Variants in ENO4 observed in about 807,000 individuals in gnomAD.
ENO4 encodes the protein enolase 4.
Under a neutral mutation model 63.2 loss-of-function variants are expected in ENO4, and 53 were observed. The observed-to-expected ratio is 0.84, with a 90% CI of 0.67 to 1.05. The LOEUF (loss-of-function observed/expected upper bound fraction) is 1.05, where lower values mean the gene tolerates loss of function less well. Among genes scored for constraint, ENO4 ranks in the 50% least tolerant of loss-of-function variants. ENO4 has a pLI of 0.00. For missense variants in ENO4, 719 were observed against 772.0 expected (o/e 0.93, Z 0.81); for synonymous variants, 266 against 283.8 (o/e 0.94, Z 0.63).
At chr10:116,878,073 C>G (rs957203901) in intron 11 of ENO4, among the ~76,000 whole-genome samples, 1 of 152,230 alleles carries the variant, frequency 6.6e-6, no homozygotes, top group Non-Finnish European at 1.5e-5. Flanking sequence ...CTGAATTTTC[C>G]TCCTAGCATC....
chr10:116,895,947 C>A (rs1847501726), intron 10 of ENO4, among the ~76,000 whole-genome samples: 1 of 152,108 alleles, frequency 6.6e-6, no homozygotes, highest in South Asian at 2.1e-4. Context: ...ACAGTAACAA[C>A]AACACAGAAG....
chr10:116,878,128 T>C (rs1360963401), intron 11 of ENO4, among the ~76,000 whole-genome samples: 1 of 152,216 alleles, frequency 6.6e-6, no homozygotes. Context: ...CTTATACAAC[T>C]ACCTAATGAC....
rs1268464475 is a variant in ENO4 at position 116,881,857 on chromosome 10, C to T, written c.*188C>T. 4 of 443,174 alleles carry T rather than the reference C, an allele frequency of 9.0e-6. No individual in the cohort carries two copies. Among genetic ancestry groups the T allele is most frequent in the Admixed American group, 4.4e-5 (1 of 22,834 alleles). The allele number at this position is 443,174 out of a possible 1,614,324, so 27.5% of individuals were successfully genotyped here. On this transcript the variant is annotated 3_prime_UTR_variant, in exon 14 of 14. Coordinates refer to ENST00000341276, the MANE Select transcript of ENO4 (RefSeq NM_001242699.2). Reference sequence around the variant, plus strand: ...TTTTTGCCTGAAATTCTGTGAACTTCGTTTTGCAGCCACCACACTTCCATG... The same window carrying T: ...TTTTTGCCTGAAATTCTGTGAACTTTGTTTTGCAGCCACCACACTTCCATG...
intron 10 of ENO4, among the ~76,000 whole-genome samples, chr10:116,909,266 G>T (rs1210854805): frequency 6.6e-6 from 1 of 152,004 alleles, no homozygotes; most frequent in African/African-American, 2.4e-5. Context: ...AACAACCTTA[G>T]GCCCCATGTT....
At chr10:116,911,636 C>A in exon 11 of ENO4, 1 of 1,557,996 alleles carries the variant, frequency 6.4e-7, no homozygotes, top group South Asian at 1.2e-5. Flanking sequence ...TGTGATGGAG[C>A]AGTCTGTAAG....
downstream of ENO4, among the ~76,000 whole-genome samples, chr10:116,912,323 T>C (rs1187034135): frequency 3.3e-5 from 5 of 152,150 alleles, no homozygotes; most frequent in Admixed American, 2.0e-4. Context: ...GGAGGTCAGC[T>C]TACAGGGGCC....
chr10:116,903,395 G>A (rs1847826403), intron 10 of ENO4, among the ~76,000 whole-genome samples: 1 of 152,018 alleles, frequency 6.6e-6, no homozygotes, highest in Admixed American at 6.6e-5. Context: ...TTTGATGGTG[G>A]GCGCCTGTAA....
intron 10 of ENO4, among the ~76,000 whole-genome samples, chr10:116,895,120 T>C (rs1419282946): frequency 1.3e-5 from 2 of 152,342 alleles, no homozygotes; most frequent in Admixed American, 6.5e-5. Context: ...TTAGAATGTA[T>C]GTTTTTCAAC....
downstream of ENO4, among the ~76,000 whole-genome samples, chr10:116,887,547 G>C (rs1847204793): frequency 6.6e-6 from 1 of 152,138 alleles, no homozygotes; most frequent in South Asian, 2.1e-4. Flanking sequence ...CTGCCAGCCA[G>C]TGCCTGCCCA....
rs796211875 is a variant in ENO4, at chr10:116,876,831, G to A, written c.1537+571G>A. 3.3e-5 allele frequency among the ~76,000 whole-genome samples: 5 copies of A among 152,118 alleles called. No homozygotes were observed. In the South Asian group the frequency reaches 8.3e-4, roughly 25 times the overall value. On this transcript the variant is annotated intron_variant, in intron 11 of 13. Coordinates refer to ENST00000341276, the MANE Select transcript of ENO4 (RefSeq NM_001242699.2). ...CCGGGTGTGGTGGCGGGCGCCTGTAGTCCCAGCTACTCGGGAGGCTGAGGC... is the reference window on the plus strand; with the variant it reads ...CCGGGTGTGGTGGCGGGCGCCTGTAATCCCAGCTACTCGGGAGGCTGAGGC...
At chr10:116,901,830 TG>T in intron 10 of ENO4, 4 of 1,602,856 alleles carry the variant, frequency 2.5e-6, no homozygotes, top group South Asian at 2.2e-5. Flanking sequence ...GCTCAGGTGT[TG>T]GGGGGGACGG....
chr10:116,880,062 G>T, intron 13 of ENO4, 76 bp downstream of exon 13: 1 of 1,171,548 alleles, frequency 8.5e-7, no homozygotes, highest in Non-Finnish European at 1.2e-6. Context: ...GGGAATAGAA[G>T]TCCCTCTGCA....
intron 2 of ENO4, 66 bp from the exon 3 acceptor site, chr10:116,856,426 A>G (rs1249910723): frequency 1.5e-6 from 2 of 1,300,090 alleles, no homozygotes; most frequent in Admixed American, 2.3e-5. Context: ...TAAAAGCTGG[A>G]TTCATTTAAT....
At chr10:116,877,390 G>C (rs550907608) in intron 11 of ENO4, among the ~76,000 whole-genome samples, 2 of 152,200 alleles carry the variant, frequency 1.3e-5, no homozygotes, top group East Asian at 3.9e-4. Flanking sequence ...CCCGACATCA[G>C]TCAGCCATTT....
rs937355179 is a variant in ENO4 at position 116,882,208 on chromosome 10, C to T, written c.*539C>T. ...TTTCCTACCCTTGATTCCTTTTTTC[C>T]TAATTCCCTCTCCTTTTTAAATTTT... On this transcript the variant is annotated 3_prime_UTR_variant, in exon 14 of 14. Transcript: ENST00000341276. The T allele has an allele frequency of 6.6e-6, 1 of 151,612 alleles. No homozygotes were observed. The highest frequency in any genetic ancestry group is 2.4e-5 in the African/African-American group (1 of 41,044). The allele number at this position is 151,612 out of a possible 1,614,324, so 9.4% of individuals were successfully genotyped here.
At chr10:116,871,035 A>G (rs1846679519) in intron 8 of ENO4, 90 bp from the exon 9 acceptor site, 17 of 1,117,574 alleles carry the variant, frequency 1.5e-5, no homozygotes, top group Non-Finnish European at 2.1e-5. Flanking sequence ...TTGCAGAGCT[A>G]TATCTGATCA....
rs142962504 is a variant in ENO4, at chr10:116,869,536, C to G, written c.1047+830C>G. Reference sequence around the variant, plus strand: ...AAAAAGTGAAGTTTCTTTTTAAGATCAGGAGAGAGAAGAGAAATGTGTGAA... The same window carrying G: ...AAAAAGTGAAGTTTCTTTTTAAGATGAGGAGAGAGAAGAGAAATGTGTGAA... On this transcript the variant is annotated intron_variant, in intron 8 of 13. Transcript: ENST00000341276. Among the ~76,000 whole-genome samples, 20 of 152,234 alleles carry G rather than the reference C, an allele frequency of 1.3e-4. No individual in the cohort carries two copies. In the East Asian group the frequency reaches 3.9e-3, roughly 29 times the overall value.
chr10:116,861,527 G>A (rs1193294628), intron 6 of ENO4, among the ~76,000 whole-genome samples: 3 of 152,180 alleles, frequency 2.0e-5, no homozygotes, highest in Non-Finnish European at 4.4e-5. Flanking sequence ...GCAGCAGCAA[G>A]TGAAAGCTAG....
chr10:116,858,309 T>C (rs919705680), intron 3 of ENO4, among the ~76,000 whole-genome samples: 5 of 152,238 alleles, frequency 3.3e-5, no homozygotes, highest in Admixed American at 2.6e-4. Flanking sequence ...GGAATGTTGA[T>C]ACTTTGCCCC....
Sources: gnomAD v4.1 joint callset for allele counts (sites outside exome capture counted in the v4.1 genomes callset) on GRCh38, gnomAD v4.1.1 for gene constraint, MANE v1.5 for transcripts, NCBI Gene and HGNC (gene_info 2026-07-23, HGNC 2026-07-21) for gene names.